DLG2: variants seen among roughly 807,000 people sequenced by gnomAD.
DLG2 encodes discs large MAGUK scaffold protein 2.
In DLG2, 45 loss-of-function variants were observed where a neutral mutation model predicts 132.5. That is an observed-to-expected ratio of 0.34 (90% CI 0.27 to 0.44). The LOEUF (loss-of-function observed/expected upper bound fraction) is 0.44. Among genes scored for constraint, DLG2 ranks in the 20% least tolerant of loss-of-function variants. The pLI is 1.00. For synonymous variants in DLG2, 424 were observed against 419.6 expected, an observed-to-expected ratio of 1.01 and a Z score of -0.13; for missense variants, 1,045 against 1,196.9, an observed-to-expected ratio of 0.87 and a Z score of 1.87.
At chr11:84,828,651 G>C (rs2078643164) in intron 6 of DLG2, among the ~76,000 whole-genome samples, 1 of 151,722 alleles carries the variant, frequency 6.6e-6, no homozygotes, top group Admixed American at 6.6e-5. Flanking sequence ...GGTGAGAGTA[G>C]TGAGGAAAAA....
At chr11:84,923,551 T>C in intron 6 of DLG2, 1 of 1,008,942 alleles carries the variant, frequency 9.9e-7, no homozygotes, top group Admixed American at 5.4e-5. Context: ...GTTATCCTAT[T>C]AAATACTTTA....
chr11:84,084,105 AG>A (rs140000249), intron 10 of DLG2, among the ~76,000 whole-genome samples: 2,984 of 152,228 alleles, frequency 0.02, 92 homozygotes, highest in African/African-American at 0.068. Context: ...GAATAACCCT[AG>A]GCTCAAAAGT....
chr11:85,616,909 C>T (rs532465453), intron 2 of DLG2, among the ~76,000 whole-genome samples: 10 of 152,150 alleles, frequency 6.6e-5, no homozygotes, highest in Non-Finnish European at 1.0e-4. Flanking sequence ...TCAAACCAGA[C>T]GAGAAAGAGC....
intron 15 of DLG2, among the ~76,000 whole-genome samples, chr11:83,896,528 A>C (rs2071744880): frequency 6.6e-6 from 1 of 152,274 alleles, no homozygotes; most frequent in South Asian, 2.1e-4. Flanking sequence ...AAACAAAACA[A>C]AAGGAAGAAA....
intron 4 of DLG2, among the ~76,000 whole-genome samples, chr11:85,205,513 T>C (rs536853560): frequency 2.6e-5 from 4 of 152,150 alleles, no homozygotes; most frequent in Non-Finnish European, 4.4e-5. Context: ...TCATTGTGTA[T>C]GTATGTCAGA....
chr11:84,619,564 A>G (rs2099610335), intron 6 of DLG2, among the ~76,000 whole-genome samples: 1 of 151,644 alleles, frequency 6.6e-6, no homozygotes, highest in South Asian at 2.1e-4. Context: ...AACACTAGGG[A>G]TACAAAGTTG....
chr11:84,463,253 T>C (rs2099085217), intron 7 of DLG2, among the ~76,000 whole-genome samples: 1 of 151,180 alleles, frequency 6.6e-6, no homozygotes, highest in South Asian at 2.1e-4. Flanking sequence ...TTTACTACAG[T>C]ATTCCTCATG....
At chr11:83,575,029 T>A (rs1593521167) in intron 19 of DLG2, among the ~76,000 whole-genome samples, 1 of 152,302 alleles carries the variant, frequency 6.6e-6, no homozygotes, top group East Asian at 1.9e-4. Context: ...TTTGATTAGC[T>A]GAATCTAAAT....
intron 3 of DLG2, among the ~76,000 whole-genome samples, chr11:85,424,885 AGCCTGCAGAAT>A (rs2090592123): frequency 6.6e-6 from 1 of 152,182 alleles, no homozygotes; most frequent in South Asian, 2.1e-4. Flanking sequence ...TCGACTTCGC[AGCCTGCAGAAT>A]GGTGAGAAAT....
intron 14 of DLG2, 106 bp downstream of exon 14, chr11:83,962,779 C>A: frequency 1.4e-6 from 2 of 1,405,142 alleles, no homozygotes; most frequent in South Asian, 2.7e-5. Context: ...TTGAATGGGA[C>A]CCAGAAGCTT....
At chr11:84,484,745 T>C (rs1409187823) in intron 7 of DLG2, among the ~76,000 whole-genome samples, 1 of 152,094 alleles carries the variant, frequency 6.6e-6, no homozygotes. Context: ...CTTGATAAGT[T>C]CAAAAAGGAA....
intron 19 of DLG2, among the ~76,000 whole-genome samples, chr11:83,610,341 T>C (rs930507557): frequency 3.4e-4 from 52 of 152,136 alleles, no homozygotes; most frequent in Admixed American, 3.3e-3. Flanking sequence ...AACTCAAAGC[T>C]AGGTCCATGG....
intron 19 of DLG2, among the ~76,000 whole-genome samples, chr11:83,619,344 G>A (rs1467135461): frequency 6.6e-6 from 1 of 152,158 alleles, no homozygotes; most frequent in African/African-American, 2.4e-5. Flanking sequence ...AGTACCTACA[G>A]GAATGAGAGA....
intron 6 of DLG2, among the ~76,000 whole-genome samples, chr11:85,033,386 CAAA>C (rs750024023): frequency 0.022 from 1,804 of 80,776 alleles, 23 homozygotes; most frequent in African/African-American, 0.071. Flanking sequence ...TATATCCTAG[CAAA>C]AAAAAAAAAA....
chr11:84,211,433 T>C (rs936159596), intron 8 of DLG2, among the ~76,000 whole-genome samples: 2 of 152,268 alleles, frequency 1.3e-5, no homozygotes, highest in East Asian at 3.9e-4. Flanking sequence ...AAGAGAGAGA[T>C]TGGGTCTTAC....
At chr11:83,724,447 A>G (rs926346398) in intron 18 of DLG2, among the ~76,000 whole-genome samples, 2 of 123,718 alleles carry the variant, frequency 1.6e-5, no homozygotes, top group African/African-American at 6.6e-5. Flanking sequence ...TCCTTAATCA[A>G]TCTCTCTCTC....
intron 7 of DLG2, among the ~76,000 whole-genome samples, chr11:84,347,422 T>C (rs1314150689): frequency 1.3e-5 from 2 of 152,202 alleles, no homozygotes; most frequent in African/African-American, 4.8e-5. Context: ...CATTGATATT[T>C]GGTTTACCCT....
intron 6 of DLG2, among the ~76,000 whole-genome samples, chr11:84,791,129 T>TA (rs2073784249): frequency 1.3e-5 from 2 of 152,052 alleles, no homozygotes; most frequent in Non-Finnish European, 1.5e-5. Flanking sequence ...GTCAAACACT[T>TA]ACAAAACCAT....
intron 11 of DLG2, among the ~76,000 whole-genome samples, chr11:84,019,862 T>G (rs1699578463): frequency 6.6e-6 from 1 of 152,144 alleles, no homozygotes; most frequent in South Asian, 2.1e-4. Context: ...CTTGCTAATA[T>G]CTCGATCTCA....
Sources: allele counts gnomAD v4.1 joint callset (sites outside exome capture counted in the v4.1 genomes callset), GRCh38; gene constraint gnomAD v4.1.1; transcripts MANE v1.5; gene names NCBI Gene and HGNC (gene_info 2026-07-23, HGNC 2026-07-21).